The following ADAMTSL1 variants were observed in gnomAD, a reference collection of about 807,000 sequenced individuals.
ADAMTSL1 encodes the protein ADAMTS like 1.
ADAMTSL1 carries 126 observed loss-of-function variants against 201.8 expected under a neutral mutation model. The observed-to-expected ratio is 0.62, with a 90% CI of 0.54 to 0.72. ADAMTSL1 has a LOEUF of 0.72. Ranked by LOEUF, ADAMTSL1 falls within the 30% of genes least tolerant of loss-of-function variation. ADAMTSL1 has a pLI of 0.00. For synonymous variants in ADAMTSL1, 1,121 were observed against 903.4 expected (o/e 1.24, Z -4.32); for missense variants, 2,679 against 2,277.8 (o/e 1.18, Z -3.59).
chr9:18,105,869 A>G (rs1824736290), intron 1 of ADAMTSL1, among the ~76,000 whole-genome samples: 1 of 152,226 alleles, frequency 6.6e-6, no homozygotes, highest in Admixed American at 6.5e-5. Flanking sequence ...ACACAGGCCC[A>G]CTGCACCATG....
chr9:18,466,102 G>A (rs1000964768), intron 2 of ADAMTSL1, among the ~76,000 whole-genome samples: 29 of 152,136 alleles, frequency 1.9e-4, no homozygotes, highest in African/African-American at 7.0e-4. Flanking sequence ...ACAGATGGAC[G>A]TTTAAGGAAG....
At chr9:17,992,992 T>C (rs1819222210) in intron 1 of ADAMTSL1, among the ~76,000 whole-genome samples, 1 of 152,200 alleles carries the variant, frequency 6.6e-6, no homozygotes, top group Non-Finnish European at 1.5e-5. Flanking sequence ...AATTTATATT[T>C]GATACTAAGT....
intron 2 of ADAMTSL1, among the ~76,000 whole-genome samples, chr9:18,453,744 A>G (rs1587261162): frequency 1.3e-5 from 2 of 152,132 alleles, no homozygotes; most frequent in African/African-American, 4.8e-5. Context: ...TTGGCCACTT[A>G]TAAGTGGTTG....
intron 16 of ADAMTSL1, among the ~76,000 whole-genome samples, chr9:18,758,394 G>C (rs554209811): frequency 1.3e-5 from 2 of 152,148 alleles, no homozygotes; most frequent in Non-Finnish European, 2.9e-5. Context: ...CCACAAACTT[G>C]GTGGCTTAAA....
chr9:17,924,540 A>G (rs1826443801), intron 1 of ADAMTSL1, among the ~76,000 whole-genome samples: 1 of 151,392 alleles, frequency 6.6e-6, no homozygotes, highest in Non-Finnish European at 1.5e-5. Flanking sequence ...AGCCCTCAGA[A>G]ATAACGCCGC....
chr9:18,718,014 G>A, intron 14 of ADAMTSL1: 4 of 1,594,302 alleles, frequency 2.5e-6, no homozygotes, highest in Non-Finnish European at 3.4e-6. Context: ...GCCTTCCCAG[G>A]CACTGGAGTT....
At chr9:18,595,036 T>C (rs996601017) in intron 4 of ADAMTSL1, among the ~76,000 whole-genome samples, 3 of 152,194 alleles carry the variant, frequency 2.0e-5, no homozygotes, top group Admixed American at 2.0e-4. Context: ...CACTAGAGGA[T>C]GTTCCAAGCC....
intron 1 of ADAMTSL1, among the ~76,000 whole-genome samples, chr9:18,134,162 A>G (rs1331819603): frequency 6.6e-6 from 1 of 152,172 alleles, no homozygotes; most frequent in East Asian, 1.9e-4. Flanking sequence ...TAGGAACTCC[A>G]CATATGGAAG....
At chr9:18,858,712 A>G (rs1337085448) in intron 23 of ADAMTSL1, among the ~76,000 whole-genome samples, 1 of 152,126 alleles carries the variant, frequency 6.6e-6, no homozygotes, top group African/African-American at 2.4e-5. Flanking sequence ...CTTACGTCAA[A>G]TCTTACCTAT....
intron 2 of ADAMTSL1, among the ~76,000 whole-genome samples, chr9:18,166,861 A>T (rs189580598): frequency 1.4e-4 from 22 of 152,160 alleles, no homozygotes; most frequent in South Asian, 6.2e-4. Context: ...TGACCAAAAT[A>T]GGTGGTCATT....
intron 1 of ADAMTSL1, among the ~76,000 whole-genome samples, chr9:17,945,569 A>G (rs1425253851): frequency 3.2e-4 from 49 of 152,092 alleles, no homozygotes; most frequent in African/African-American, 1.2e-3. Context: ...ACCAACCCAA[A>G]TGTCCAACAA....
chr9:18,026,523 G>A (rs1288828423), intron 1 of ADAMTSL1, among the ~76,000 whole-genome samples: 2 of 151,894 alleles, frequency 1.3e-5, no homozygotes, highest in African/African-American at 4.8e-5. Flanking sequence ...TGATTCATGT[G>A]TGTTAAACAA....
At chr9:18,061,418 T>C (rs1391080846) in intron 1 of ADAMTSL1, among the ~76,000 whole-genome samples, 2 of 152,216 alleles carry the variant, frequency 1.3e-5, no homozygotes, top group African/African-American at 4.8e-5. Context: ...TACTCCCATG[T>C]GAAGTGGTAC....
chr9:18,734,936 C>T (rs947140721), intron 15 of ADAMTSL1, among the ~76,000 whole-genome samples: 2 of 152,116 alleles, frequency 1.3e-5, no homozygotes, highest in Non-Finnish European at 2.9e-5. Flanking sequence ...TAGTTACTCT[C>T]AGTGACCAGG....
intron 2 of ADAMTSL1, among the ~76,000 whole-genome samples, chr9:18,291,483 T>G (rs1833258907): frequency 6.6e-6 from 1 of 152,158 alleles, no homozygotes; most frequent in Non-Finnish European, 1.5e-5. Flanking sequence ...TCTTGTGCAC[T>G]GTCCTCCTCA....
At chr9:18,825,611 A>G (rs747911825) in intron 21 of ADAMTSL1, among the ~76,000 whole-genome samples, 9 of 152,162 alleles carry the variant, frequency 5.9e-5, no homozygotes, top group Non-Finnish European at 1.2e-4. Context: ...ACAGAAAAGT[A>G]CATGTATCAT....
At chr9:18,331,016 TATGGC>T (rs1835007521) in intron 2 of ADAMTSL1, among the ~76,000 whole-genome samples, 1 of 152,114 alleles carries the variant, frequency 6.6e-6, no homozygotes, top group South Asian at 2.1e-4. Context: ...CTCAATTGGG[TATGGC>T]ATAGTCAGGG....
intron 23 of ADAMTSL1, among the ~76,000 whole-genome samples, chr9:18,859,960 C>T (rs1422573571): frequency 2.0e-5 from 3 of 152,136 alleles, no homozygotes; most frequent in Non-Finnish European, 2.9e-5. Context: ...ATGAGGTAGA[C>T]TTACATTCAT....
At chr9:18,579,446 G>A (rs1587624422) in intron 4 of ADAMTSL1, among the ~76,000 whole-genome samples, 1 of 151,118 alleles carries the variant, frequency 6.6e-6, no homozygotes, top group East Asian at 1.9e-4. Context: ...GTATACATAT[G>A]TAACTAACCT....
Sources: allele counts gnomAD v4.1 joint callset (sites outside exome capture counted in the v4.1 genomes callset), GRCh38; gene constraint gnomAD v4.1.1; transcripts MANE v1.5; gene names NCBI Gene and HGNC (gene_info 2026-07-23, HGNC 2026-07-21).